Variants in SNX25 observed in about 807,000 individuals in gnomAD.
The protein encoded by SNX25 is sorting nexin 25, also known as sorting nexin-25.
In SNX25, 62 loss-of-function variants were observed where a neutral mutation model predicts 113.7. The observed-to-expected ratio is 0.55, with a 90% CI of 0.44 to 0.67. SNX25 has a LOEUF of 0.67. Ranked by LOEUF, SNX25 falls within the 30% of genes least tolerant of loss-of-function variation. The probability of loss-of-function intolerance (pLI) is 0.00; values close to 1 mark genes in which losing one functional copy is unlikely to be tolerated. For synonymous variants in SNX25, 421 were observed against 436.2 expected (o/e 0.97, Z 0.43); for missense variants, 1,014 against 1,161.0 (o/e 0.87, Z 1.84).
chr4:185,234,409 G>A lies in SNX25; in HGVS notation c.430-12885G>A, dbSNP rs1326684445. Among the ~76,000 whole-genome samples the A allele has an allele frequency of 2.1e-4, 4 of 19,086 alleles. 1 individual carries two copies. Among genetic ancestry groups the A allele is most frequent in the Admixed American group, 1.2e-3 (2 of 1,636 alleles). 12.5% of individuals were successfully genotyped at this position (19,086 alleles called of 152,430 possible). ...GTTAAAAAGTTTAGGCTGGCCGGGC[G>A]CGGTGGCTCACGCCTGTAATCCCAG... is the stretch of plus-strand genomic sequence containing the variant. On this transcript the variant is annotated intron_variant, in intron 1 of 18. Transcript: ENST00000652585.
rs556840539 is a variant in SNX25, at chr4:185,334,799, G to A, written c.1914+2040G>A. Among the ~76,000 whole-genome samples, 1 of 152,258 alleles carries A rather than the reference G, an allele frequency of 6.6e-6. No individual in the cohort carries two copies. The highest frequency in any genetic ancestry group is 2.4e-5 in the African/African-American group (1 of 41,544). On this transcript the variant is annotated intron_variant, in intron 10 of 18. Transcript: ENST00000652585. This position sits in a 1 kb window ranked among gnomAD's most constrained non-coding sequence, Gnocchi z 4.2. ...TGAAAGAATTCTCAAGAAACTTGGA[G>A]CGATTCACTGGTACTGTGGCTTAAC...
chr4:185,214,219 G>A (rs1411983859), intron 1 of SNX25, among the ~76,000 whole-genome samples: 3 of 151,910 alleles, frequency 2.0e-5, no homozygotes, highest in Non-Finnish European at 4.4e-5. Flanking sequence ...AAAATAAATA[G>A]GCAGTTGCCA....
intron 13 of SNX25, among the ~76,000 whole-genome samples, chr4:185,347,586 T>G (rs2095293984): frequency 6.6e-6 from 1 of 152,190 alleles, no homozygotes; most frequent in Non-Finnish European, 1.5e-5. Context: ...TTCTCCTGCC[T>G]AAGCCTCCCA....
chr4:185,300,673 T>C (rs904515567), intron 6 of SNX25, among the ~76,000 whole-genome samples: 3 of 151,620 alleles, frequency 2.0e-5, no homozygotes, highest in African/African-American at 7.3e-5. Flanking sequence ...CCTAAACTCA[T>C]AGAATGTCCT....
At chr4:185,274,056 A>G (rs1421392933) in intron 5 of SNX25, among the ~76,000 whole-genome samples, 1 of 150,876 alleles carries the variant, frequency 6.6e-6, no homozygotes, top group Non-Finnish European at 1.5e-5. Flanking sequence ...ACAAGGTTAT[A>G]CACGGGCTTT....
chr4:185,238,149 C>T (rs1340345212), intron 1 of SNX25, among the ~76,000 whole-genome samples: 2 of 151,746 alleles, frequency 1.3e-5, no homozygotes, highest in Non-Finnish European at 2.9e-5. Flanking sequence ...CTTGTCAGGC[C>T]CCTATCATCT....
chr4:185,377,855 CCTGAGAGTA>C, the SNX25 span: 11 of 447,310 alleles, frequency 2.5e-5, no homozygotes, highest in Middle Eastern at 1.2e-3. Context: ...GTCCTTAAGT[CCTGAGAGTA>C]AAATCAAGAC....
chr4:185,261,751 T>C (rs558926281), intron 3 of SNX25, among the ~76,000 whole-genome samples: 4 of 152,168 alleles, frequency 2.6e-5, no homozygotes, highest in East Asian at 1.9e-4. Context: ...ATGCCAAGGG[T>C]AGATTTATTT....
At chr4:185,244,031 T>C (rs1744472231) in intron 1 of SNX25, among the ~76,000 whole-genome samples, 1 of 152,190 alleles carries the variant, frequency 6.6e-6, no homozygotes, top group African/African-American at 2.4e-5. Flanking sequence ...AGTGTCTTGC[T>C]ATGTTGCCCA....
chr4:185,267,437 T>A (rs1225770020), intron 5 of SNX25, among the ~76,000 whole-genome samples: 5 of 148,798 alleles, frequency 3.4e-5, no homozygotes, highest in South Asian at 2.3e-4. Context: ...ACATATAACA[T>A]TTGACTTGGG....
downstream of SNX25, chr4:185,370,964 T>C (rs1333024528): frequency 1.4e-6 from 1 of 716,586 alleles, no homozygotes; most frequent in Non-Finnish European, 2.3e-6. Flanking sequence ...GAAGGGTCCA[T>C]GTAGGCACCT....
chr4:185,233,455 T>C (rs919129780), intron 1 of SNX25, among the ~76,000 whole-genome samples: 36 of 152,200 alleles, frequency 2.4e-4, no homozygotes, highest in African/African-American at 8.4e-4. Context: ...AACCTATGAT[T>C]TCCCTTATGA....
At chr4:185,283,079 C>T (rs942726898) in intron 5 of SNX25, among the ~76,000 whole-genome samples, 1 of 152,168 alleles carries the variant, frequency 6.6e-6, no homozygotes, top group Admixed American at 6.5e-5. Context: ...TTCAGATGCC[C>T]ACTATGTGCA....
At chr4:185,216,477 C>T (rs970647419) in intron 1 of SNX25, among the ~76,000 whole-genome samples, 6 of 147,442 alleles carry the variant, frequency 4.1e-5, no homozygotes, top group African/African-American at 1.3e-4. Flanking sequence ...CAATGCTAAT[C>T]AAGTGTACCC....
At chr4:185,356,197 G>GAA (rs2095338297) in intron 15 of SNX25, among the ~76,000 whole-genome samples, 2 of 151,966 alleles carry the variant, frequency 1.3e-5, no homozygotes, top group African/African-American at 4.8e-5. Context: ...GAAGGTGAGG[G>GAA]AAAAGTAATA....
In SNX25 at chr4:185,240,631, CG is replaced by C. The variant is rs1458002774; in HGVS notation, c.430-6661del. Among the ~76,000 whole-genome samples the C allele has an allele frequency of 8.9e-5, 13 of 146,416 alleles. No individual in the cohort carries two copies. In the South Asian group the frequency reaches 2.8e-3, roughly 32 times the overall value. ...GGCGCCCCTCACCTCCCGGACGGAGCGGCTGGCTGGGCGGGGGGCTAACCCC... is the reference window on the plus strand; with the variant it reads ...GGCGCCCCTCACCTCCCGGACGGAGCGCTGGCTGGGCGGGGGGCTAACCCC... On this transcript the variant is annotated intron_variant, in intron 1 of 18. Coordinates refer to ENST00000652585, the MANE Select transcript of SNX25 (RefSeq NM_001378034.2).
At chr4:185,353,741 A>G (rs1379849556) in intron 15 of SNX25, 139 bp downstream of exon 15, 4 of 811,200 alleles carry the variant, frequency 4.9e-6, no homozygotes, top group East Asian at 2.5e-5. Flanking sequence ...TTCATTCAAC[A>G]TAGCCTTTTA....
At chr4:185,230,954 A>G (rs1456322796) in intron 1 of SNX25, among the ~76,000 whole-genome samples, 2 of 152,186 alleles carry the variant, frequency 1.3e-5, no homozygotes, top group Non-Finnish European at 2.9e-5. Context: ...CCTGATGTCA[A>G]CAAGGCCCAA....
Position 185,210,662 on chromosome 4 carries a change from G to C in SNX25, c.429+407G>C, listed in dbSNP as rs1433832302. 6.6e-6 allele frequency among the ~76,000 whole-genome samples: 1 copy of C among 152,036 alleles called. No individual in the cohort carries two copies. Among genetic ancestry groups the C allele is most frequent in the African/African-American group, 2.4e-5 (1 of 41,402 alleles). On this transcript the variant is annotated intron_variant, in intron 1 of 18. Coordinates refer to ENST00000652585, the MANE Select transcript of SNX25 (RefSeq NM_001378034.2). This position sits in a 1 kb window ranked among gnomAD's most constrained non-coding sequence, Gnocchi z 4.4. ...CGCTTGGTTCTTCTGGCCGTTCTCG[G>C]TGGGAGGCAACTTTATGACCGTTTG...
Sources: allele counts gnomAD v4.1 joint callset (sites outside exome capture counted in the v4.1 genomes callset), GRCh38; gene constraint gnomAD v4.1.1; non-coding constraint Gnocchi (gnomAD v3.1); transcripts MANE v1.5; gene names NCBI Gene and HGNC (gene_info 2026-07-23, HGNC 2026-07-21).